Variants in RSRC1 observed in about 807,000 individuals in gnomAD.
RSRC1 encodes arginine and serine rich coiled-coil 1.
A neutral mutation model predicts 49.1 loss-of-function variants in RSRC1; 39 were observed. That is an observed-to-expected ratio of 0.79 (90% CI 0.61 to 1.04). The LOEUF is 1.04. Among genes scored for constraint, RSRC1 ranks in the 50% least tolerant of loss-of-function variants. The pLI is 0.00. For synonymous variants in RSRC1, 143 were observed against 130.8 expected (o/e 1.09, Z -0.63); for missense variants, 388 against 402.4 (o/e 0.96, Z 0.31).
chr3:158,197,825 G>A (rs888800535), intron 3 of RSRC1, among the ~76,000 whole-genome samples: 3 of 152,170 alleles, frequency 2.0e-5, no homozygotes, highest in Non-Finnish European at 1.5e-5. Flanking sequence ...TTAATCGTCA[G>A]TTCTCGTTTG....
intron 4 of RSRC1, among the ~76,000 whole-genome samples, chr3:158,230,367 T>A (rs1722881108): frequency 6.6e-6 from 1 of 152,128 alleles, no homozygotes; most frequent in African/African-American, 2.4e-5. Context: ...AAAATCTGAT[T>A]TGGCAGTCTA....
At chr3:158,517,400 G>C (rs1740630265) in intron 7 of RSRC1, among the ~76,000 whole-genome samples, 1 of 152,038 alleles carries the variant, frequency 6.6e-6, no homozygotes, top group Non-Finnish European at 1.5e-5. Flanking sequence ...TAATAGAAAT[G>C]GTGATAGCTA....
chr3:158,391,629 T>C (rs1413711852), intron 6 of RSRC1, among the ~76,000 whole-genome samples: 1 of 152,136 alleles, frequency 6.6e-6, no homozygotes, highest in Non-Finnish European at 1.5e-5. Context: ...TCAGGGATTT[T>C]ATTGTTGACA....
intron 3 of RSRC1, among the ~76,000 whole-genome samples, chr3:158,148,366 C>CGTGTGTGTGT (rs71144442): frequency 2.7e-5 from 4 of 149,766 alleles, no homozygotes; most frequent in African/African-American, 9.8e-5. Context: ...TGTGTGTGTG[C>CGTGTGTGTGT]GTGTGTGTGT....
intron 3 of RSRC1, among the ~76,000 whole-genome samples, chr3:158,198,583 C>A (rs989078450): frequency 1.3e-5 from 2 of 152,074 alleles, no homozygotes; most frequent in African/African-American, 4.8e-5. Context: ...TCTTCCTAGC[C>A]TCGACGGTCT....
At chr3:158,187,483 CAAAT>C (rs1719996439) in intron 3 of RSRC1, among the ~76,000 whole-genome samples, 1 of 151,846 alleles carries the variant, frequency 6.6e-6, no homozygotes, top group African/African-American at 2.4e-5. Context: ...GTTATAGGTC[CAAAT>C]AAATGTTTCT....
intron 5 of RSRC1, among the ~76,000 whole-genome samples, chr3:158,338,403 C>G (rs1482386344): frequency 2.0e-5 from 3 of 152,072 alleles, no homozygotes; most frequent in African/African-American, 7.2e-5. Context: ...TGTAATATCT[C>G]TAGCTTAGAC....
chr3:158,530,913 TAA>T (rs200580489), intron 7 of RSRC1, among the ~76,000 whole-genome samples: 1 of 95,620 alleles, frequency 1.0e-5, no homozygotes, highest in Non-Finnish European at 2.1e-5. Context: ...AAATAATAAA[TAA>T]AAAAAAAAAG....
chr3:158,401,807 C>G (rs1454615949), intron 6 of RSRC1, among the ~76,000 whole-genome samples: 1 of 151,800 alleles, frequency 6.6e-6, no homozygotes, highest in Non-Finnish European at 1.5e-5. Context: ...AACAAATTAC[C>G]TTGAATTTCA....
intron 3 of RSRC1, among the ~76,000 whole-genome samples, chr3:158,168,967 C>T (rs751862293): frequency 2.6e-5 from 4 of 152,088 alleles, no homozygotes; most frequent in Non-Finnish European, 5.9e-5. Context: ...CCAGCCTTCA[C>T]AAGATCGGAT....
intron 6 of RSRC1, among the ~76,000 whole-genome samples, chr3:158,359,227 A>C (rs542419608): frequency 1.3e-5 from 2 of 152,330 alleles, no homozygotes; most frequent in East Asian, 3.9e-4. Context: ...CATATCACAC[A>C]TTTAAGTTAC....
At chr3:158,267,640 A>AT (rs1240810423) in intron 4 of RSRC1, among the ~76,000 whole-genome samples, 2 of 151,404 alleles carry the variant, frequency 1.3e-5, no homozygotes, top group African/African-American at 2.4e-5. Context: ...CATTTCATGA[A>AT]TTTTTTTAAA....
chr3:158,355,031 G>C (rs1731085805), intron 6 of RSRC1, 123 bp downstream of exon 6: 2 of 609,506 alleles, frequency 3.3e-6, no homozygotes, highest in Non-Finnish European at 5.4e-6. Context: ...AAATTTATCA[G>C]ATCTAGATTA....
intron 6 of RSRC1, among the ~76,000 whole-genome samples, chr3:158,422,434 C>T (rs1368421951): frequency 1.3e-5 from 2 of 151,638 alleles, no homozygotes; most frequent in East Asian, 3.9e-4. Flanking sequence ...CATCGTATTC[C>T]ATGGTGTATA....
chr3:158,490,521 CATT>C (rs1427606196), intron 7 of RSRC1, among the ~76,000 whole-genome samples: 3 of 152,144 alleles, frequency 2.0e-5, no homozygotes, highest in Non-Finnish European at 1.5e-5. Context: ...TGTAAAGTAT[CATT>C]ATTTTATTTG....
chr3:158,345,063 TAA>T (rs764384812), intron 5 of RSRC1, among the ~76,000 whole-genome samples: 41 of 135,552 alleles, frequency 3.0e-4, no homozygotes, highest in African/African-American at 1.0e-3. Context: ...TACTAAAAAA[TAA>T]AAAAAAAAAA....
chr3:158,120,105 A>G (rs1218372067), intron 1 of RSRC1, among the ~76,000 whole-genome samples: 1 of 152,180 alleles, frequency 6.6e-6, no homozygotes, highest in African/African-American at 2.4e-5. Context: ...CTGGGATTAC[A>G]GGCGTGAGCC....
At chr3:158,149,274 C>T (rs529919936) in intron 3 of RSRC1, among the ~76,000 whole-genome samples, 1 of 152,162 alleles carries the variant, frequency 6.6e-6, no homozygotes, top group Non-Finnish European at 1.5e-5. Flanking sequence ...TTTCTTCTAA[C>T]TGCATCATTT....
At chr3:158,111,235 T>TAA (rs1241159877) in intron 1 of RSRC1, among the ~76,000 whole-genome samples, 1 of 152,224 alleles carries the variant, frequency 6.6e-6, no homozygotes, top group Non-Finnish European at 1.5e-5. Context: ...TCTCTAGTCT[T>TAA]AGAGTTTATA....
Sources: gnomAD v4.1 joint callset for allele counts (sites outside exome capture counted in the v4.1 genomes callset) on GRCh38, gnomAD v4.1.1 for gene constraint, MANE v1.5 for transcripts, NCBI Gene and HGNC (gene_info 2026-07-23, HGNC 2026-07-21) for gene names.